Variants in ACOT12 observed in about 807,000 individuals in gnomAD.
The protein encoded by ACOT12 is acyl-CoA thioesterase 12.
Under a neutral mutation model 67.7 loss-of-function variants are expected in ACOT12, and 51 were observed. That is an observed-to-expected ratio of 0.75 (90% CI 0.60 to 0.95). The LOEUF is 0.95. Among genes scored for constraint, ACOT12 ranks in the 40% least tolerant of loss-of-function variants. The pLI is 0.00. For synonymous variants in ACOT12, 251 were observed against 244.6 expected (o/e 1.03, Z -0.24); for missense variants, 734 against 708.1 (o/e 1.04, Z -0.41).
At chr5:81,336,462 C>T (rs1415719810) in intron 11 of ACOT12, among the ~76,000 whole-genome samples, 2 of 152,124 alleles carry the variant, frequency 1.3e-5, no homozygotes, top group Non-Finnish European at 2.9e-5. Context: ...CTTTCATTTC[C>T]GAATCACAGT....
intron 2 of ACOT12, among the ~76,000 whole-genome samples, chr5:81,373,896 G>T (rs1472354524): frequency 1.3e-5 from 2 of 152,162 alleles, no homozygotes; most frequent in African/African-American, 4.8e-5. Flanking sequence ...GGAAGGGGTG[G>T]CTATGGGCGC....
chr5:81,327,475 C>G (rs1240846934), downstream of ACOT12, among the ~76,000 whole-genome samples: 2 of 152,122 alleles, frequency 1.3e-5, no homozygotes, highest in Non-Finnish European at 2.9e-5. Context: ...GAGTCTCACT[C>G]TGTTGCGCAG....
the ACOT12 span, among the ~76,000 whole-genome samples, chr5:81,319,231 T>C: frequency 1.3e-5 from 2 of 152,254 alleles, no homozygotes; most frequent in African/African-American, 4.8e-5. Context: ...AGGTTCCTAG[T>C]TGACTATTCT....
At chr5:81,363,138 G>A (rs1171780858) in intron 4 of ACOT12, among the ~76,000 whole-genome samples, 1 of 151,984 alleles carries the variant, frequency 6.6e-6, no homozygotes, top group African/African-American at 2.4e-5. Context: ...TAGACTAAAT[G>A]GGACCCTCCT....
intron 5 of ACOT12, among the ~76,000 whole-genome samples, chr5:81,350,990 G>T (rs1183420377): frequency 6.6e-6 from 1 of 152,176 alleles, no homozygotes; most frequent in Non-Finnish European, 1.5e-5. Context: ...TCCTTGCACT[G>T]CGGCATTTGT....
At chr5:81,315,509 G>T in the ACOT12 span, among the ~76,000 whole-genome samples, 1 of 152,186 alleles carries the variant, frequency 6.6e-6, no homozygotes, top group Admixed American at 6.5e-5. Flanking sequence ...CTTGTTCATT[G>T]CTATATCCCT....
chr5:81,371,826 CA>C lies in ACOT12; in HGVS notation c.198-17del, dbSNP rs758025777. 12 of 1,610,204 alleles carry C rather than the reference CA, an allele frequency of 7.5e-6. No individual in the cohort carries two copies. The Admixed American group carries it at 1.2e-4, about 16-fold the overall frequency. Reference sequence around the variant, plus strand: ...TTGTCCAACTCTAGGGAAAAACAAACAAAAAAACCTCAGTAGTTTTAGCACA... The same window carrying C: ...TTGTCCAACTCTAGGGAAAAACAAACAAAAAACCTCAGTAGTTTTAGCACA... On this transcript the variant is annotated splice_polypyrimidine_tract_variant and intron_variant, in intron 2 of 14. Coordinates refer to ENST00000307624, the MANE Select transcript of ACOT12 (RefSeq NM_130767.3).
chr5:81,308,650 C>T, the ACOT12 span: 82 of 1,613,934 alleles, frequency 5.1e-5, no homozygotes, highest in South Asian at 7.7e-4. Flanking sequence ...GGATATGTTA[C>T]AGGTGTGGGT....
chr5:81,378,532 C>A (rs1178198922), intron 2 of ACOT12, among the ~76,000 whole-genome samples: 1 of 152,108 alleles, frequency 6.6e-6, no homozygotes, highest in African/African-American at 2.4e-5. Flanking sequence ...AAGAAACTAT[C>A]ATCAGACTGA....
intron 1 of ACOT12, among the ~76,000 whole-genome samples, chr5:81,387,865 C>T (rs1760772342): frequency 6.6e-6 from 1 of 152,008 alleles, no homozygotes; most frequent in Admixed American, 6.6e-5. Flanking sequence ...TTTTGAATGA[C>T]TTAAATGATA....
In ACOT12 at chr5:81,334,234, A is replaced by G. The variant is rs570534577; in HGVS notation, c.1262+1534T>C. Among the ~76,000 whole-genome samples the G allele has an allele frequency of 3.3e-4, 51 of 152,284 alleles. No individual in the cohort carries two copies. In the South Asian group the frequency reaches 9.8e-3, roughly 29 times the overall value. On this transcript the variant is annotated intron_variant, in intron 12 of 14. Transcript: ENST00000307624. ...CAGTACACTAACGCAAGAATCCAGGATACAGAAAGCCCTCTGTTCTTGCAA... is the reference window on the plus strand; with the variant it reads ...CAGTACACTAACGCAAGAATCCAGGGTACAGAAAGCCCTCTGTTCTTGCAA...
chr5:81,379,402 C>T (rs1256422194), intron 2 of ACOT12, among the ~76,000 whole-genome samples: 1 of 151,958 alleles, frequency 6.6e-6, no homozygotes, highest in Non-Finnish European at 1.5e-5. Context: ...ATGGGTGCAG[C>T]AAACCACCAT....
chr5:81,330,997 T>G, intron 13 of ACOT12, 57 bp from the exon 14 acceptor site: 1 of 1,501,554 alleles, frequency 6.7e-7, no homozygotes. Flanking sequence ...TGTTAGAAAA[T>G]AAATCCCTAT....
At chr5:81,344,105 T>C (rs916668761) in intron 9 of ACOT12, 55 bp downstream of exon 9, 1 of 1,565,764 alleles carries the variant, frequency 6.4e-7, no homozygotes, top group African/African-American at 1.4e-5. Context: ...GGCTCTTATA[T>C]AATTTGTCAG....
intron 4 of ACOT12, among the ~76,000 whole-genome samples, chr5:81,362,991 G>T (rs1425222013): frequency 6.6e-6 from 1 of 152,158 alleles, no homozygotes; most frequent in South Asian, 2.1e-4. Context: ...ATCACCTGTG[G>T]TCAGGAGCTT....
At chr5:81,320,455 G>A in the ACOT12 span, among the ~76,000 whole-genome samples, 1 of 152,174 alleles carries the variant, frequency 6.6e-6, no homozygotes, top group African/African-American at 2.4e-5. Context: ...GGCATTGGGT[G>A]GCAGGGGAGA....
At chr5:81,380,581 GA>G (rs948838684) in intron 2 of ACOT12, among the ~76,000 whole-genome samples, 9 of 118,264 alleles carry the variant, frequency 7.6e-5, no homozygotes, top group East Asian at 2.2e-4. Flanking sequence ...AAAAAAAAAA[GA>G]AAAGAAATCT....
downstream of ACOT12, among the ~76,000 whole-genome samples, chr5:81,328,224 C>T (rs1758721948): frequency 6.6e-6 from 1 of 152,118 alleles, no homozygotes; most frequent in South Asian, 2.1e-4. Flanking sequence ...ACACTGACCA[C>T]CCTACTTAAA....
intron 4 of ACOT12, 22 bp from the exon 5 acceptor site, chr5:81,360,060 T>C (rs1759856780): frequency 6.3e-7 from 1 of 1,589,414 alleles, no homozygotes; most frequent in Non-Finnish European, 8.5e-7. Context: ...AAAGCATTTA[T>C]CTTTTATTGC....
Sources: allele counts gnomAD v4.1 joint callset (sites outside exome capture counted in the v4.1 genomes callset), GRCh38; gene constraint gnomAD v4.1.1; transcripts MANE v1.5; gene names NCBI Gene and HGNC (gene_info 2026-07-23, HGNC 2026-07-21).